Variants in THSD4 observed in about 807,000 individuals in gnomAD.
THSD4 encodes thrombospondin type 1 domain containing 4.
THSD4 carries 69 observed loss-of-function variants against 119.0 expected under a neutral mutation model. The ratio of observed to expected loss-of-function variants is 0.58; its 90% CI spans 0.48 to 0.71. THSD4 has a LOEUF of 0.71. Among genes scored for constraint, THSD4 ranks in the 30% least tolerant of loss-of-function variants. THSD4 has a pLI of 0.00. For missense variants in THSD4, 1,393 were observed against 1,391.1 expected, an observed-to-expected ratio of 1.00 and a Z score of -0.02; for synonymous variants, 524 against 540.4, an observed-to-expected ratio of 0.97 and a Z score of 0.42.
chr15:71,644,957 G>A (rs2050938756), intron 7 of THSD4, among the ~76,000 whole-genome samples: 1 of 152,152 alleles, frequency 6.6e-6, no homozygotes, highest in Non-Finnish European at 1.5e-5. Flanking sequence ...AGTAAGTTAT[G>A]GATTTATAGC....
At chr15:71,210,909 T>TG (rs1209576305) in intron 3 of THSD4, among the ~76,000 whole-genome samples, 4 of 152,182 alleles carry the variant, frequency 2.6e-5, no homozygotes, top group African/African-American at 9.6e-5. Context: ...TTTTTACTGT[T>TG]GTTCTTACAA....
chr15:71,353,149 A>G (rs1358467269), intron 6 of THSD4, among the ~76,000 whole-genome samples: 1 of 152,254 alleles, frequency 6.6e-6, no homozygotes, highest in African/African-American at 2.4e-5. Flanking sequence ...CTCTTCTGAC[A>G]TCAACAGACA....
chr15:71,617,937 AG>A (rs2050347750), intron 7 of THSD4, among the ~76,000 whole-genome samples: 1 of 152,158 alleles, frequency 6.6e-6, no homozygotes, highest in African/African-American at 2.4e-5. Flanking sequence ...TTTTTCTCAA[AG>A]GGGCCATTTA....
At chr15:71,223,097 C>G (rs28625378) in intron 4 of THSD4, among the ~76,000 whole-genome samples, 7,224 of 152,306 alleles carry the variant, frequency 0.047, 621 homozygotes, top group African/African-American at 0.17. Context: ...GCCAGACACA[C>G]TGGCAGTTGT....
At chr15:71,265,555 A>G (rs545065510) in intron 6 of THSD4, among the ~76,000 whole-genome samples, 1 of 152,208 alleles carries the variant, frequency 6.6e-6, no homozygotes, top group Non-Finnish European at 1.5e-5. Context: ...AGCTAGCTGC[A>G]GGAGTTTTTT....
chr15:71,659,123 A>G (rs765207247), intron 7 of THSD4, among the ~76,000 whole-genome samples: 4 of 152,224 alleles, frequency 2.6e-5, no homozygotes, highest in African/African-American at 4.8e-5. Context: ...AAGAAAGAGG[A>G]CAAGCCTGTG....
intron 4 of THSD4, among the ~76,000 whole-genome samples, chr15:71,215,764 T>A (rs1219794633): frequency 6.6e-6 from 1 of 152,082 alleles, no homozygotes; most frequent in African/African-American, 2.4e-5. Flanking sequence ...GGATTAAAGC[T>A]GAGGACACAA....
At chr15:71,279,162 T>C (rs1222045231) in intron 6 of THSD4, among the ~76,000 whole-genome samples, 2 of 152,200 alleles carry the variant, frequency 1.3e-5, no homozygotes, top group Non-Finnish European at 2.9e-5. Context: ...GGGAGGACTC[T>C]TACATTCCAG....
intron 6 of THSD4, among the ~76,000 whole-genome samples, chr15:71,323,956 G>A (rs1336315903): frequency 2.0e-5 from 3 of 152,068 alleles, no homozygotes; most frequent in East Asian, 1.9e-4. Flanking sequence ...TACCAAAGTC[G>A]TGTTGCACCT....
At chr15:71,660,457 G>A in intron 7 of THSD4, 73 bp from the exon 8 acceptor site, 1 of 1,577,448 alleles carries the variant, frequency 6.3e-7, no homozygotes, top group Admixed American at 1.7e-5. Context: ...TCTTGCCCAG[G>A]GATCTTCTCC....
At chr15:71,317,418 G>GC (rs1216976358) in intron 6 of THSD4, among the ~76,000 whole-genome samples, 7 of 152,230 alleles carry the variant, frequency 4.6e-5, no homozygotes, top group Admixed American at 4.6e-4. Context: ...TGATGGAGGA[G>GC]CAGAGGCATG....
intron 3 of THSD4, among the ~76,000 whole-genome samples, chr15:71,170,096 C>A (rs2043342128): frequency 6.6e-6 from 1 of 152,040 alleles, no homozygotes; most frequent in African/African-American, 2.4e-5. Context: ...ATCTCTTGAA[C>A]CCAGGAGGCG....
chr15:71,337,746 A>G (rs932598523), intron 6 of THSD4, among the ~76,000 whole-genome samples: 6 of 152,156 alleles, frequency 3.9e-5, no homozygotes, highest in Non-Finnish European at 7.3e-5. Flanking sequence ...TGCATACCCC[A>G]GGTGAACCTA....
At chr15:71,737,683 A>T in intron 10 of THSD4, 49 bp from the exon 11 acceptor site, 7 of 1,521,826 alleles carry the variant, frequency 4.6e-6, no homozygotes, top group Non-Finnish European at 6.2e-6. Flanking sequence ...TTTACAACTC[A>T]GGGTCTAAAC....
chr15:71,671,072 A>G (rs1447654462), intron 8 of THSD4, among the ~76,000 whole-genome samples: 1 of 152,190 alleles, frequency 6.6e-6, no homozygotes, highest in East Asian at 1.9e-4. Context: ...TGTCTTCCAC[A>G]ATGGTTGAAC....
chr15:71,584,378 C>T (rs1311449182), intron 7 of THSD4, among the ~76,000 whole-genome samples: 2 of 148,254 alleles, frequency 1.3e-5, no homozygotes, highest in Non-Finnish European at 3.0e-5. Flanking sequence ...AAGTGATTCT[C>T]CTGCCTCAGC....
At chr15:71,205,086 G>C (rs1168382050) in intron 3 of THSD4, among the ~76,000 whole-genome samples, 2 of 152,128 alleles carry the variant, frequency 1.3e-5, no homozygotes, top group African/African-American at 4.8e-5. Context: ...GCATATTCCT[G>C]GGCCTTTCCC....
intron 7 of THSD4, among the ~76,000 whole-genome samples, chr15:71,452,919 G>A (rs1020642302): frequency 2.0e-5 from 3 of 152,166 alleles, no homozygotes; most frequent in African/African-American, 7.2e-5. Context: ...CTGGCCAGGA[G>A]GCAGTTAAAT....
At chr15:71,204,176 C>T (rs1400484980) in intron 3 of THSD4, among the ~76,000 whole-genome samples, 2 of 152,194 alleles carry the variant, frequency 1.3e-5, no homozygotes, top group Non-Finnish European at 2.9e-5. Context: ...GGTACCAAGG[C>T]ACATGCCCTG....
Sources: gnomAD v4.1 joint callset for allele counts (sites outside exome capture counted in the v4.1 genomes callset) on GRCh38, gnomAD v4.1.1 for gene constraint, MANE v1.5 for transcripts, NCBI Gene and HGNC (gene_info 2026-07-23, HGNC 2026-07-21) for gene names.